Variants in PIEZO1 observed in about 807,000 individuals in gnomAD.
The protein encoded by PIEZO1 is piezo type mechanosensitive ion channel component 1 (Er blood group).
PIEZO1 carries 296 observed loss-of-function variants against 297.2 expected under a neutral mutation model. That is an observed-to-expected ratio of 1.00 (90% CI 0.91 to 1.10). The LOEUF (loss-of-function observed/expected upper bound fraction) is 1.10. PIEZO1 is among the 50% of genes least tolerant of loss of function. PIEZO1 has a pLI of 0.00. For synonymous variants in PIEZO1, 2,427 were observed against 1,507.5 expected (o/e 1.61, Z -14.13); for missense variants, 5,018 against 3,455.5 (o/e 1.45, Z -11.34).
chr16:88,724,508 G>C lies in PIEZO1; in HGVS notation c.4234+501C>G, dbSNP rs1414070752. Among the ~76,000 whole-genome samples, 5 of 149,440 alleles carry C rather than the reference G, an allele frequency of 3.3e-5. No homozygotes were observed. In the Admixed American group the frequency reaches 3.3e-4, roughly 10 times the overall value. On this transcript the variant is annotated intron_variant, in intron 30 of 50. Transcript: ENST00000301015. ...ATCACGCCATTGCACTGTAGCCTGG[G>C]CGACAGGGCAAGACACCGTCTCCAA...
Position 88,716,438 on chromosome 16 carries a change from G to A in PIEZO1, c.6972C>T (p.His2324=). 1.9e-6 allele frequency: 3 copies of A among 1,549,824 alleles called. No individual in the cohort carries two copies. The highest frequency in any genetic ancestry group is 1.2e-5 in the South Asian group (1 of 83,960). Residue 2324 remains histidine, a synonymous_variant, in exon 48 of 51, where the codon CAC becomes CAT. Coordinates refer to ENST00000301015, the MANE Select transcript of PIEZO1 (RefSeq NM_001142864.4). ...GGTVEYANEK[H]MLALAPNSTA... The stretch of plus-strand genomic sequence containing the variant: ...TGCTGTTGGGGGCCAGGGCCAGCAT[G>A]TGCTTCTCGTTGGCATACTCCACAG...
At position 88,716,268 on chromosome 16, in the gene PIEZO1, A is replaced by G. The variant is rs2290902; in HGVS notation, c.7059T>C (p.Pro2353=). 1,330,413 of 1,491,590 alleles carry G rather than the reference A, an allele frequency of 0.89. 593,652 individuals carry two copies. The highest frequency in any genetic ancestry group is 0.94 in the Middle Eastern group (5,310 of 5,676). The allele number at this position is 1,491,590 out of a possible 1,614,324, so 92.4% of individuals were successfully genotyped here. A position where few individuals can be genotyped will look rare whatever the true frequency, so the allele number is the denominator to read the frequency against. The change falls in exon 49 of 51, where the codon CCT becomes CCC. Residue 2353 remains proline, a synonymous_variant. Coordinates refer to ENST00000301015, the MANE Select transcript of PIEZO1 (RefSeq NM_001142864.4). ...CACGGATGTACTTGGGGAAGAGATT[A>G]GGGATGACCCTGCAGGGAGGTGCTG... ...EGTSDQSVVI[P]NLFPKYIRAP...
intron 2 of PIEZO1, chr16:88,743,555 G>A (rs550800290): frequency 1.3e-5 from 6 of 456,652 alleles, no homozygotes; most frequent in African/African-American, 2.0e-5. Context: ...TCTCGGCCTC[G>A]GGGCGCAAAC....
rs1904289026 is a variant in PIEZO1 at position 88,722,693 on chromosome 16, C to G, written c.4669-4G>C. On this transcript the variant is annotated splice_region_variant and splice_polypyrimidine_tract_variant and intron_variant, in intron 34 of 50. Coordinates refer to ENST00000301015, the MANE Select transcript of PIEZO1 (RefSeq NM_001142864.4). The stretch of plus-strand genomic sequence containing the variant: ...CGCCCCTGTGCACTTCGCCGCCCTG[C>G]AGGGCACAGCAGGGGGCTCAGGGCT... 6.5e-7 allele frequency: 1 copy of G among 1,535,710 alleles called. No individual in the cohort carries two copies. The highest frequency in any genetic ancestry group is 8.7e-7 in the Non-Finnish European group (1 of 1,145,446).
chr16:88,738,643 G>T lies in PIEZO1; in HGVS notation c.559C>A (p.Arg187Ser). 6.5e-7 allele frequency: 1 copy of T among 1,535,694 alleles called. No homozygotes were observed. Among genetic ancestry groups the T allele is most frequent in the African/African-American group, 1.4e-5 (1 of 73,178 alleles). ...AGCCAGTGGGCCGTGACTCGGAAAC[G>T]AGCGGCCAGCCGTGACCTCCGTGTA... Reference protein sequence around the residue: ...APTRRSRLAARFRVTAHWLLV... With the variant: ...APTRRSRLAASFRVTAHWLLV... Residue 187 changes from arginine to serine, a missense_variant, in exon 6 of 51, where the codon CGT becomes AGT. Transcript: ENST00000301015.
At chr16:88,729,677 G>C (rs1404310757) in intron 22 of PIEZO1, among the ~76,000 whole-genome samples, 3 of 134,870 alleles carry the variant, frequency 2.2e-5, no homozygotes, top group African/African-American at 6.1e-5. Flanking sequence ...AGTGACCCTC[G>C]ATGCTGGGGA....
chr16:88,760,298 A>T (rs989797361), intron 1 of PIEZO1, among the ~76,000 whole-genome samples: 1 of 152,206 alleles, frequency 6.6e-6, no homozygotes, highest in African/African-American at 2.4e-5. Flanking sequence ...CAAGCTGAGG[A>T]CTGAGGAAGC....
chr16:88,764,294 G>A (rs563075962), intron 1 of PIEZO1, among the ~76,000 whole-genome samples: 6 of 152,146 alleles, frequency 3.9e-5, no homozygotes, highest in Admixed American at 6.6e-5. Flanking sequence ...CGGCGCCCAG[G>A]TTCCATATAA....
Position 88,722,680 on chromosome 16 carries a change from C to T in PIEZO1, c.4678G>A (p.Val1560Met). The change falls in exon 35 of 51, where the codon GTG (valine) becomes ATG (methionine). Residue 1560 changes from valine (V) to methionine (M), a missense_variant. Coordinates refer to ENST00000301015, the MANE Select transcript of PIEZO1 (RefSeq NM_001142864.4). ...LTQELLQGGEVHRGVLDQLYT... is the reference protein window; with the variant it reads ...LTQELLQGGEMHRGVLDQLYT... ...AGCTGATCCAGCACGCCCCTGTGCA[C>T]TTCGCCGCCCTGCAGGGCACAGCAG... 3 of 1,537,334 alleles carry T rather than the reference C, an allele frequency of 2.0e-6. No individual in the cohort carries two copies. The highest frequency in any genetic ancestry group is 1.2e-5 in the South Asian group (1 of 84,046).
At chr16:88,730,597 C>CAAAAAAA (rs59142015) in intron 22 of PIEZO1, among the ~76,000 whole-genome samples, 2 of 84,298 alleles carry the variant, frequency 2.4e-5, no homozygotes, top group African/African-American at 5.2e-5. Context: ...GACTCCATCT[C>CAAAAAAA]AAAAAAAAAA....
At chr16:88,754,165 A>G (rs1484700686) in intron 1 of PIEZO1, among the ~76,000 whole-genome samples, 1 of 152,166 alleles carries the variant, frequency 6.6e-6, no homozygotes, top group East Asian at 1.9e-4. Context: ...GAGCCCAGCC[A>G]TCACCCATCC....
At position 88,731,101 on chromosome 16, in the gene PIEZO1, C is replaced by T. The variant is rs76141885; in HGVS notation, c.3196+605G>A. On this transcript the variant is annotated intron_variant, in intron 22 of 50. Coordinates refer to ENST00000301015, the MANE Select transcript of PIEZO1 (RefSeq NM_001142864.4). ...CAGCCACGCAAATCCAGTCTCACGG[C>T]GTCAGCAACGCTACCGGCCTCCCTC... 8.6e-3 allele frequency: 1,340 copies of T among 155,806 alleles called. 10 individuals are homozygous for T. Among genetic ancestry groups the T allele is most frequent in the Middle Eastern group, 0.03 (9 of 296 alleles). 9.7% of individuals were successfully genotyped at this position (155,806 alleles called of 1,614,324 possible).
chr16:88,728,397 C>T (rs2142792493), intron 22 of PIEZO1, among the ~76,000 whole-genome samples: 1 of 152,186 alleles, frequency 6.6e-6, no homozygotes, highest in African/African-American at 2.4e-5. Context: ...ACAAAGTGAC[C>T]CTCCATGCTG....
chr16:88,724,089 G>A, intron 30 of PIEZO1, 118 bp from the exon 31 acceptor site: 2 of 659,336 alleles, frequency 3.0e-6, no homozygotes, highest in Non-Finnish European at 5.4e-6. Flanking sequence ...GTAGCCGGGA[G>A]CAGTGCAGGC....
At chr16:88,742,706 C>A (rs1220027102) in intron 2 of PIEZO1, 3 of 443,962 alleles carry the variant, frequency 6.8e-6, no homozygotes, top group Non-Finnish European at 1.2e-5. Flanking sequence ...GAGGAAACCA[C>A]CTGGGGTGTG....
At chr16:88,775,664 G>C (rs1907623425) in intron 1 of PIEZO1, among the ~76,000 whole-genome samples, 1 of 151,538 alleles carries the variant, frequency 6.6e-6, no homozygotes, top group Non-Finnish European at 1.5e-5. Context: ...GGGAGGCGGA[G>C]GGTGCAGTGA....
chr16:88,762,885 AG>A (rs1906995109), intron 1 of PIEZO1, among the ~76,000 whole-genome samples: 1 of 152,292 alleles, frequency 6.6e-6, no homozygotes, highest in Non-Finnish European at 1.5e-5. Context: ...CAGGTCCCAC[AG>A]GCTCTTTCCT....
Position 88,725,475 on chromosome 16 carries a change from C to G in PIEZO1, c.4103G>C (p.Arg1368Pro), listed in dbSNP as rs917988282. The change falls in exon 29 of 51, where the codon CGG becomes CCG. Residue 1368 changes from arginine to proline, a missense_variant. Arg to Pro is a moderately radical substitution (Grantham distance 103, BLOSUM62 -2). Coordinates refer to ENST00000301015, the MANE Select transcript of PIEZO1 (RefSeq NM_001142864.4). ...RAKQEKHRQG[R>P]VDRSRPQDTL... is the part of the protein sequence containing the mutation. ...GTCCTGGGGGCGACTGCGGTCCACC[C>G]GGCCCTGCCTGTGCTTCTCCTGCTT... The G allele has an allele frequency of 5.3e-6, 8 of 1,520,102 alleles. No individual in the cohort carries two copies. In the African/African-American group the frequency reaches 8.3e-5, roughly 16 times the overall value. The allele number at this position is 1,520,102 out of a possible 1,614,324, so 94.2% of individuals were successfully genotyped here. A position where few individuals can be genotyped will look rare whatever the true frequency, so the allele number is the denominator to read the frequency against.
chr16:88,757,333 G>GGGGGGGGT (rs1906723830), intron 1 of PIEZO1, among the ~76,000 whole-genome samples: 1 of 119,580 alleles, frequency 8.4e-6, no homozygotes, highest in Admixed American at 8.5e-5. Context: ...GGGGTGGGGG[G>GGGGGGGGT]TAGTTACCTA....
Sources: allele counts gnomAD v4.1 joint callset (sites outside exome capture counted in the v4.1 genomes callset), GRCh38; gene constraint gnomAD v4.1.1; transcripts MANE v1.5; gene names NCBI Gene and HGNC (gene_info 2026-07-23, HGNC 2026-07-21).